The following IL27RA variants were observed in gnomAD, a reference collection of about 807,000 sequenced individuals.
IL27RA encodes the protein interleukin-27 receptor subunit alpha.
Under a neutral mutation model 80.8 loss-of-function variants are expected in IL27RA, and 61 were observed. That is an observed-to-expected ratio of 0.76 (90% CI 0.61 to 0.93). The LOEUF is 0.93. Ranked by LOEUF, IL27RA falls within the 40% of genes least tolerant of loss-of-function variation. The probability of loss-of-function intolerance (pLI) is 0.00; values close to 1 mark genes in which losing one functional copy is unlikely to be tolerated. For synonymous variants in IL27RA, 316 were observed against 332.5 expected (o/e 0.95, Z 0.54); for missense variants, 735 against 808.1 (o/e 0.91, Z 1.10).
At chr19:14,042,346 A>G in intron 4 of IL27RA, 107 bp from the exon 5 acceptor site, 2 of 1,219,322 alleles carry the variant, frequency 1.6e-6, no homozygotes, top group Non-Finnish European at 2.3e-6. Context: ...AGCCTGGGCC[A>G]CAACGAGACT....
rs779694594 is a variant in IL27RA, at chr19:14,039,621, G to A, written c.332G>A (p.Gly111Asp). The A allele has an allele frequency of 2.5e-6, 4 of 1,613,950 alleles. No homozygotes were observed. Among genetic ancestry groups the A allele is most frequent in the Non-Finnish European group, 3.4e-6 (4 of 1,180,018 alleles). Residue 111 changes from glycine to aspartate, a missense_variant, in exon 3 of 14, where the codon GGC becomes GAC. By Grantham distance (94) the Gly-to-Asp change is moderately conservative (BLOSUM62 -1). Coordinates refer to ENST00000263379, the MANE Select transcript of IL27RA (RefSeq NM_004843.4). ...DKLLVWGTKA[G>D]QPLWPPVFVN... ...CTCCTTGTCTGGGGCACTAAGGCAG[G>A]CCAGCCTCTCTGGCCCCCCGTCTTC...
intron 8 of IL27RA, among the ~76,000 whole-genome samples, chr19:14,047,464 C>T (rs949956957): frequency 1.3e-5 from 2 of 150,452 alleles, no homozygotes; most frequent in Admixed American, 1.3e-4. Context: ...AAGCGATTCT[C>T]GTGCCTCAGC....
At chr19:14,036,355 G>A (rs1975898119) in intron 2 of IL27RA, among the ~76,000 whole-genome samples, 1 of 152,002 alleles carries the variant, frequency 6.6e-6, no homozygotes, top group South Asian at 2.1e-4. Flanking sequence ...AGTTTACTCT[G>A]CCTCTAGGAG....
chr19:14,038,862 C>T (rs1975944122), intron 2 of IL27RA, among the ~76,000 whole-genome samples: 1 of 132,232 alleles, frequency 7.6e-6, no homozygotes, highest in African/African-American at 2.9e-5. Flanking sequence ...CCAAGCTGGG[C>T]AACAAGAACA....
rs148749814 is a variant in IL27RA at position 14,051,928 on chromosome 19, A to G, written c.1671A>G (p.Lys557=). 1.2e-3 allele frequency: 1,963 copies of G among 1,589,672 alleles called. 14 individuals carry two copies. The highest frequency in any genetic ancestry group is 9.0e-3 in the South Asian group (788 of 87,884). Residue 557 remains lysine (K), a synonymous_variant, in exon 13 of 14, where the codon AAA becomes AAG. Transcript: ENST00000263379. ...HKVLPRWVWE[K]VPDPANSSSG... ...TGCTGCCCCGCTGGGTCTGGGAGAA[A>G]GTTCCTGATCCTGCCAACAGCAGTT...
intron 2 of IL27RA, among the ~76,000 whole-genome samples, chr19:14,034,166 G>A (rs886227029): frequency 2.0e-5 from 3 of 152,008 alleles, no homozygotes; most frequent in African/African-American, 7.2e-5. Context: ...TGTGGTGCTG[G>A]GGATGCTGCA....
intron 2 of IL27RA, among the ~76,000 whole-genome samples, chr19:14,033,427 A>G (rs1221004986): frequency 6.6e-6 from 1 of 151,726 alleles, no homozygotes; most frequent in Non-Finnish European, 1.5e-5. Context: ...AATATAAAAT[A>G]TAATATAAAT....
chr19:14,047,779 G>A (rs1323743103), intron 8 of IL27RA, among the ~76,000 whole-genome samples: 4 of 149,030 alleles, frequency 2.7e-5, no homozygotes, highest in African/African-American at 7.4e-5. Context: ...TCAGCCTCCC[G>A]AGCAACTGGG....
intron 11 of IL27RA, 50 bp downstream of exon 11, chr19:14,050,933 T>A (rs10404803): frequency 7.7e-6 from 12 of 1,557,508 alleles, no homozygotes; most frequent in South Asian, 2.3e-5. Context: ...TACTCCACAG[T>A]GGGGAGAGGT....
At chr19:14,047,128 C>T (rs1235227999) in intron 8 of IL27RA, among the ~76,000 whole-genome samples, 1 of 150,860 alleles carries the variant, frequency 6.6e-6, no homozygotes, top group Non-Finnish European at 1.5e-5. Context: ...ACTGCAACTT[C>T]CATCTCCTGG....
chr19:14,042,007 T>C (rs1975995362), intron 4 of IL27RA, among the ~76,000 whole-genome samples: 1 of 152,046 alleles, frequency 6.6e-6, no homozygotes, highest in Non-Finnish European at 1.5e-5. Flanking sequence ...GAGACCATCT[T>C]GGCCAACATG....
rs1976202241 is a variant in IL27RA at position 14,052,887 on chromosome 19, A to T, written c.*597A>T. The T allele has an allele frequency of 6.6e-6, 1 of 150,642 alleles. No individual in the cohort carries two copies. Among genetic ancestry groups the T allele is most frequent in the Admixed American group, 6.6e-5 (1 of 15,050 alleles). The allele number at this position is 150,642 out of a possible 1,614,324, so 9.3% of individuals were successfully genotyped here. ...GAATGAGACCTTATCTCAAAAATAA[A>T]CAAACTAATAAAAAGCAAAAAAAAA... On this transcript the variant is annotated 3_prime_UTR_variant, in exon 14 of 14. Coordinates refer to ENST00000263379, the MANE Select transcript of IL27RA (RefSeq NM_004843.4).
chr19:14,050,735 A>G (rs10424865), intron 10 of IL27RA, 23 bp from the exon 11 acceptor site: 175,327 of 1,596,314 alleles, frequency 0.11, 12,517 homozygotes, highest in African/African-American at 0.34. Flanking sequence ...CACCTCCCCA[A>G]CTTCTTTGGT....
At chr19:14,039,082 C>T (rs1320700919) in intron 2 of IL27RA, among the ~76,000 whole-genome samples, 1 of 151,510 alleles carries the variant, frequency 6.6e-6, no homozygotes, top group East Asian at 1.9e-4. Context: ...GTCAGGAGTT[C>T]GAGACCAGCC....
chr19:14,038,431 A>G (rs894538677), intron 2 of IL27RA, among the ~76,000 whole-genome samples: 2 of 152,076 alleles, frequency 1.3e-5, no homozygotes, highest in African/African-American at 2.4e-5. Context: ...TTTAAAAATT[A>G]GCTGAACATT....
intron 2 of IL27RA, 32 bp downstream of exon 2, chr19:14,032,535 GC>G (rs1271485089): frequency 1.3e-6 from 2 of 1,483,692 alleles, no homozygotes; most frequent in South Asian, 2.3e-5. Flanking sequence ...GGGGAAACAG[GC>G]TTTGGAGGTG....
intron 2 of IL27RA, among the ~76,000 whole-genome samples, chr19:14,038,355 G>A (rs989759190): frequency 1.3e-5 from 2 of 151,970 alleles, no homozygotes; most frequent in African/African-American, 4.8e-5. Flanking sequence ...GTATGTGACT[G>A]CTTGAGGCCA....
chr19:14,033,462 G>T (rs566029540), intron 2 of IL27RA, among the ~76,000 whole-genome samples: 1 of 151,942 alleles, frequency 6.6e-6, no homozygotes, highest in Admixed American at 6.6e-5. Flanking sequence ...CAGGCGCAGT[G>T]GTTCACACCT....
At chr19:14,037,762 CG>C (rs1363571929) in intron 2 of IL27RA, among the ~76,000 whole-genome samples, 1 of 150,900 alleles carries the variant, frequency 6.6e-6, no homozygotes, top group African/African-American at 2.4e-5. Flanking sequence ...GGGGATGGTG[CG>C]GGGGATTGCT....
Sources: gnomAD v4.1 joint callset for allele counts (sites outside exome capture counted in the v4.1 genomes callset) on GRCh38, gnomAD v4.1.1 for gene constraint, MANE v1.5 for transcripts, NCBI Gene and HGNC (gene_info 2026-07-23, HGNC 2026-07-21) for gene names.